The following TAFA1 variants were observed in gnomAD, a reference collection of about 807,000 sequenced individuals.
The protein encoded by TAFA1 is chemokine-like protein TAFA-1.
Under a neutral mutation model 18.5 loss-of-function variants are expected in TAFA1, and 4 were observed. The observed-to-expected ratio is 0.22, with a 90% CI of 0.11 to 0.49. The LOEUF (loss-of-function observed/expected upper bound fraction) is 0.49, where lower values mean the gene tolerates loss of function less well. TAFA1 is among the 20% of genes least tolerant of loss of function. The pLI, the probability that TAFA1 is intolerant of heterozygous loss-of-function variation, is 0.98. For synonymous variants in TAFA1, 56 were observed against 55.2 expected (o/e 1.01, Z -0.06); for missense variants, 147 against 169.0 (o/e 0.87, Z 0.72).
chr3:68,378,184 A>T (rs889368773), intron 2 of TAFA1, among the ~76,000 whole-genome samples: 3 of 152,156 alleles, frequency 2.0e-5, no homozygotes, highest in African/African-American at 2.4e-5. Context: ...AGATCCACTG[A>T]CACCTTGAAC....
Position 68,500,407 on chromosome 3 carries a change from A to C in TAFA1, c.260-38349A>C, listed in dbSNP as rs573005868. Among the ~76,000 whole-genome samples, 6 of 152,268 alleles carry C rather than the reference A, an allele frequency of 3.9e-5. No homozygotes were observed. In the East Asian group the frequency reaches 1.2e-3, roughly 29 times the overall value. On this transcript the variant is annotated intron_variant, in intron 3 of 4. Transcript: ENST00000478136. ...TTTGTTTTTAGACTTCTCAGACATA[A>C]AATTCCCTGCCCAATTGTTATAAAA...
At chr3:68,306,327 A>G (rs2068421316) in intron 2 of TAFA1, among the ~76,000 whole-genome samples, 1 of 152,186 alleles carries the variant, frequency 6.6e-6, no homozygotes, top group African/African-American at 2.4e-5. Context: ...CCTAAGGGGA[A>G]ATAACACGTC....
chr3:68,469,880 T>C (rs1451892793), intron 3 of TAFA1, among the ~76,000 whole-genome samples: 1 of 152,180 alleles, frequency 6.6e-6, no homozygotes, highest in Admixed American at 6.5e-5. Context: ...CAACAGAATC[T>C]ATAGGGACAC....
chr3:68,380,354 C>T (rs1575818782), intron 2 of TAFA1, among the ~76,000 whole-genome samples: 1 of 152,202 alleles, frequency 6.6e-6, no homozygotes, highest in South Asian at 2.1e-4. Flanking sequence ...CCGACTTCCA[C>T]AATGGTTGAA....
chr3:68,008,296 A>T (rs539595646), intron 2 of TAFA1, among the ~76,000 whole-genome samples: 1 of 152,248 alleles, frequency 6.6e-6, no homozygotes, highest in Non-Finnish European at 1.5e-5. Flanking sequence ...CTTTACCTCC[A>T]ATCACTTAAT....
At chr3:68,539,786 G>T (rs565610374) in intron 4 of TAFA1, among the ~76,000 whole-genome samples, 27 of 147,194 alleles carry the variant, frequency 1.8e-4, no homozygotes, top group African/African-American at 5.5e-4. Context: ...AGAGAGGGGG[G>T]TCTCACTCTG....
At chr3:68,485,227 A>G (rs2072314758) in intron 3 of TAFA1, among the ~76,000 whole-genome samples, 1 of 152,094 alleles carries the variant, frequency 6.6e-6, no homozygotes, top group Admixed American at 6.6e-5. Flanking sequence ...TATCACACAC[A>G]AGGGTAAATG....
intron 3 of TAFA1, among the ~76,000 whole-genome samples, chr3:68,526,820 C>T (rs1039859391): frequency 2.0e-5 from 3 of 151,774 alleles, no homozygotes; most frequent in Non-Finnish European, 4.4e-5. Context: ...TATCCATATG[C>T]TTTAAATGTT....
intron 2 of TAFA1, among the ~76,000 whole-genome samples, chr3:68,084,908 T>C (rs747228077): frequency 3.9e-5 from 6 of 152,198 alleles, no homozygotes; most frequent in Non-Finnish European, 8.8e-5. Flanking sequence ...CTTTGTACTT[T>C]TGTTGCAGCA....
chr3:68,345,194 C>T (rs555614670), intron 2 of TAFA1, among the ~76,000 whole-genome samples: 50 of 152,222 alleles, frequency 3.3e-4, no homozygotes, highest in East Asian at 2.7e-3. Context: ...TGGAGATACC[C>T]TACTTCCTGC....
chr3:68,079,241 A>T (rs1374241415), intron 2 of TAFA1, among the ~76,000 whole-genome samples: 3 of 152,102 alleles, frequency 2.0e-5, no homozygotes, highest in Non-Finnish European at 4.4e-5. Flanking sequence ...CTATCAATTT[A>T]GTTGATCCTT....
intron 2 of TAFA1, among the ~76,000 whole-genome samples, chr3:68,202,857 A>G (rs972280782): frequency 6.6e-6 from 1 of 151,708 alleles, no homozygotes; most frequent in Admixed American, 6.6e-5. Context: ...GAAGAATAAA[A>G]AAACAAAAAT....
At position 68,113,888 on chromosome 3, in the gene TAFA1, G is replaced by GTTTTTTTTTTTTTTTTTTTTT. The variant is rs1169442128; in HGVS notation, c.118+107152_118+107153insTTTTTTTTTTTTTTTTTTTTT. ...TGACAGTGTGACAGTTTGGGGTGTA[G>GTTTTTTTTTTTTTTTTTTTTT]TTTTTTTTGTTTTTTTTTTTTTTTT... On this transcript the variant is annotated intron_variant, in intron 2 of 4. Coordinates refer to ENST00000478136, the MANE Select transcript of TAFA1 (RefSeq NM_213609.4). 3.5e-5 allele frequency among the ~76,000 whole-genome samples: 2 copies of GTTTTTTTTTTTTTTTTTTTTT among 57,862 alleles called. 1 individual carries two copies. The allele number at this position is 57,862 out of a possible 152,430, so 38.0% of individuals were successfully genotyped here.
intron 2 of TAFA1, among the ~76,000 whole-genome samples, chr3:68,062,590 A>G (rs1031300207): frequency 2.0e-5 from 3 of 152,222 alleles, no homozygotes; most frequent in Admixed American, 2.0e-4. Context: ...GTGACTTCCT[A>G]TACATATGCA....
At chr3:68,487,879 G>A (rs2072376350) in intron 3 of TAFA1, among the ~76,000 whole-genome samples, 2 of 149,688 alleles carry the variant, frequency 1.3e-5, no homozygotes, top group South Asian at 2.1e-4. Flanking sequence ...TGTTGTAGAT[G>A]TTTTTGCTTG....
At chr3:68,139,779 T>C (rs2065648757) in intron 2 of TAFA1, among the ~76,000 whole-genome samples, 1 of 152,200 alleles carries the variant, frequency 6.6e-6, no homozygotes, top group African/African-American at 2.4e-5. Flanking sequence ...ATCTTACTTA[T>C]CTGAACTCAT....
intron 2 of TAFA1, among the ~76,000 whole-genome samples, chr3:68,348,094 T>G (rs1324281054): frequency 6.6e-6 from 1 of 152,128 alleles, no homozygotes; most frequent in Non-Finnish European, 1.5e-5. Flanking sequence ...CAAGGGGTTA[T>G]TGAAAAGGTA....
Position 68,389,836 on chromosome 3 carries a change from A to G in TAFA1, c.119-27444A>G, listed in dbSNP as rs112302343. Among the ~76,000 whole-genome samples the G allele has an allele frequency of 4.9e-3, 742 of 152,242 alleles. 8 individuals carry two copies. The highest frequency in any genetic ancestry group is 0.012 in the South Asian group (56 of 4,832). On this transcript the variant is annotated intron_variant, in intron 2 of 4. Transcript: ENST00000478136. Reference sequence around the variant, plus strand: ...CGGGATGGTGCTATCCGGCCCAGATACTACGCTTTTCCCAAAGTCTTTGCA... The same window carrying G: ...CGGGATGGTGCTATCCGGCCCAGATGCTACGCTTTTCCCAAAGTCTTTGCA...
intron 2 of TAFA1, among the ~76,000 whole-genome samples, chr3:68,215,606 A>G (rs2066648113): frequency 6.6e-6 from 1 of 152,052 alleles, no homozygotes; most frequent in African/African-American, 2.4e-5. Flanking sequence ...TGCAAAATAC[A>G]TTTCTGATAA....
Sources: gnomAD v4.1 joint callset for allele counts (sites outside exome capture counted in the v4.1 genomes callset) on GRCh38, gnomAD v4.1.1 for gene constraint, MANE v1.5 for transcripts, NCBI Gene and HGNC (gene_info 2026-07-23, HGNC 2026-07-21) for gene names.